Variants in PITPNC1 observed in about 807,000 individuals in gnomAD.
PITPNC1 encodes the protein cytoplasmic phosphatidylinositol transfer protein 1.
Under a neutral mutation model 44.7 loss-of-function variants are expected in PITPNC1, and 18 were observed. The observed-to-expected ratio is 0.40, with a 90% CI of 0.28 to 0.60. PITPNC1 has a LOEUF of 0.60. Among genes scored for constraint, PITPNC1 ranks in the 20% least tolerant of loss-of-function variants. PITPNC1 has a pLI of 0.39. For missense variants in PITPNC1, 290 were observed against 418.4 expected (o/e 0.69, Z 2.68); for synonymous variants, 141 against 149.6 (o/e 0.94, Z 0.42).
chr17:67,455,305 T>G (rs1252945698), intron 1 of PITPNC1, among the ~76,000 whole-genome samples: 2 of 152,230 alleles, frequency 1.3e-5, no homozygotes, highest in African/African-American at 4.8e-5. Context: ...TAATGCTGTT[T>G]TGAATTTTTC....
At chr17:67,419,875 C>T (rs1218943333) in intron 1 of PITPNC1, among the ~76,000 whole-genome samples, 1 of 151,718 alleles carries the variant, frequency 6.6e-6, no homozygotes, top group African/African-American at 2.4e-5. Context: ...CGCTGCACTC[C>T]AGCCTGAGTG....
intron 1 of PITPNC1, among the ~76,000 whole-genome samples, chr17:67,427,607 A>G (rs2038790063): frequency 6.6e-6 from 1 of 152,222 alleles, no homozygotes; most frequent in African/African-American, 2.4e-5. Flanking sequence ...ATCCTTCATT[A>G]CACATGAACA....
At chr17:67,455,090 GGTTAACAGGTGTGAGCCTCT>G (rs1274321439) in intron 1 of PITPNC1, among the ~76,000 whole-genome samples, 1 of 152,004 alleles carries the variant, frequency 6.6e-6, no homozygotes, top group African/African-American at 2.4e-5. Context: ...CAAAGTGCTG[GGTTAACAGGTGTGAGCCTCT>G]GTACCCAGCC....
Position 67,694,657 on chromosome 17 carries a change from G to C in PITPNC1, c.*1769G>C, listed in dbSNP as rs530582715. On this transcript the variant is annotated 3_prime_UTR_variant, in exon 9 of 9. Coordinates refer to ENST00000581322, the MANE Select transcript of PITPNC1 (RefSeq NM_012417.4). Reference sequence around the variant, plus strand: ...TAAACCTAGAACTCAAAGGAAACCTGTTGCAAATAGCTTAGATCAACAGTG... The same window carrying C: ...TAAACCTAGAACTCAAAGGAAACCTCTTGCAAATAGCTTAGATCAACAGTG... 4 of 152,324 alleles carry C rather than the reference G, an allele frequency of 2.6e-5. No individual in the cohort carries two copies. Among genetic ancestry groups the C allele is most frequent in the Middle Eastern group, 3.4e-3 (1 of 294 alleles). 9.4% of individuals were successfully genotyped at this position (152,324 alleles called of 1,614,324 possible).
chr17:67,400,083 C>A (rs2038284316), intron 1 of PITPNC1, among the ~76,000 whole-genome samples: 1 of 152,170 alleles, frequency 6.6e-6, no homozygotes, highest in South Asian at 2.1e-4. Context: ...ACCTGGTGAT[C>A]ATGATGGGCT....
At chr17:67,389,783 A>C (rs1453191851) in intron 1 of PITPNC1, among the ~76,000 whole-genome samples, 8 of 151,980 alleles carry the variant, frequency 5.3e-5, no homozygotes, top group African/African-American at 1.4e-4. Context: ...GGGTTCAAGC[A>C]ATTCTCCTGC....
chr17:67,658,507 T>C (rs1260433499), intron 6 of PITPNC1, among the ~76,000 whole-genome samples: 1 of 152,144 alleles, frequency 6.6e-6, no homozygotes, highest in Non-Finnish European at 1.5e-5. Context: ...CCACCCCCAG[T>C]ATCCTCTCTT....
intron 1 of PITPNC1, among the ~76,000 whole-genome samples, chr17:67,433,598 C>G (rs1474296163): frequency 6.6e-6 from 1 of 152,148 alleles, no homozygotes; most frequent in Non-Finnish European, 1.5e-5. Flanking sequence ...GTAAACCCAG[C>G]TACTCGGGAG....
Position 67,695,444 on chromosome 17 carries a change from G to A in PITPNC1, c.*2556G>A, listed in dbSNP as rs988880496. The A allele has an allele frequency of 6.6e-6, 1 of 151,642 alleles. No homozygotes were observed. The highest frequency in any genetic ancestry group is 2.4e-5 in the African/African-American group (1 of 41,278). The allele number at this position is 151,642 out of a possible 1,614,324, so 9.4% of individuals were successfully genotyped here. On this transcript the variant is annotated 3_prime_UTR_variant, in exon 9 of 9. Coordinates refer to ENST00000581322, the MANE Select transcript of PITPNC1 (RefSeq NM_012417.4). ...TACAGAACATTAATAATTCTTAGAA[G>A]GATGGAAGCCAAATGGCTGCATGAT...
At chr17:67,686,593 T>TCTACATCCTGCCTC (rs1400426113) in intron 8 of PITPNC1, among the ~76,000 whole-genome samples, 1 of 152,146 alleles carries the variant, frequency 6.6e-6, no homozygotes, top group Non-Finnish European at 1.5e-5. Context: ...TGCTCTGCCT[T>TCTACATCCTGCCTC]CTACATCCTG....
intron 5 of PITPNC1, among the ~76,000 whole-genome samples, chr17:67,622,269 AAAAAG>A (rs2041841309): frequency 6.6e-6 from 1 of 151,066 alleles, no homozygotes; most frequent in Non-Finnish European, 1.5e-5. Flanking sequence ...AAAAAAAAAA[AAAAAG>A]AAAAGATAGT....
chr17:67,409,071 CTTTTTTTT>C (rs1159310735), intron 1 of PITPNC1, among the ~76,000 whole-genome samples: 11 of 80,512 alleles, frequency 1.4e-4, no homozygotes, highest in Non-Finnish European at 2.0e-4. Context: ...CAAATTCATT[CTTTTTTTT>C]TTTTTTTTTT....
In PITPNC1 at chr17:67,583,865, T is replaced by TGTG. The variant is rs1568051977; in HGVS notation, c.366+5608_366+5609insGTG. On this transcript the variant is annotated intron_variant, in intron 5 of 8. Transcript: ENST00000581322. The stretch of plus-strand genomic sequence containing the variant: ...CGCCCGCCACCACGCCTGGCTAATT[T>TGTG]TGTGTGTGTGTGTGTGTGTGTGTGT... Among the ~76,000 whole-genome samples the TGTG allele has an allele frequency of 2.0e-3, 240 of 118,414 alleles. 2 individuals carry two copies. Among genetic ancestry groups the TGTG allele is most frequent in the Admixed American group, 3.1e-3 (34 of 10,932 alleles). The allele number at this position is 118,414 out of a possible 152,430, so 77.7% of individuals were successfully genotyped here. A position where few individuals can be genotyped will look rare whatever the true frequency, so the allele number is the denominator to read the frequency against.
At chr17:67,580,649 AT>A (rs2041217652) in intron 5 of PITPNC1, among the ~76,000 whole-genome samples, 1 of 152,068 alleles carries the variant, frequency 6.6e-6, no homozygotes, top group Non-Finnish European at 1.5e-5. Flanking sequence ...CTGGAAAAAA[AT>A]TTTTTAAATA....
At chr17:67,497,618 C>G (rs1419439321) in intron 1 of PITPNC1, among the ~76,000 whole-genome samples, 1 of 147,736 alleles carries the variant, frequency 6.8e-6, no homozygotes, top group African/African-American at 2.5e-5. Flanking sequence ...GTCTCGACCT[C>G]CTAGGCTCAA....
intron 2 of PITPNC1, 60 bp downstream of exon 2, chr17:67,533,010 G>A (rs1898054786): frequency 1.5e-6 from 2 of 1,377,220 alleles, no homozygotes; most frequent in Admixed American, 3.9e-5. Context: ...CCCATGGTGT[G>A]ACAGTGGAGG....
Position 67,506,254 on chromosome 17 carries a change from G to A in PITPNC1, c.49-26548G>A, listed in dbSNP as rs571302980. On this transcript the variant is annotated intron_variant, in intron 1 of 8. Transcript: ENST00000581322. ...GAGACACTGCTGAAGAAAAGGAAAT[G>A]AAGAAAAGGTGAAGTAAGATTTTAC... Among the ~76,000 whole-genome samples, 40 of 152,294 alleles carry A rather than the reference G, an allele frequency of 2.6e-4. 1 individual carries two copies. Among genetic ancestry groups the A allele is most frequent in the African/African-American group, 8.9e-4 (37 of 41,560 alleles).
intron 5 of PITPNC1, among the ~76,000 whole-genome samples, chr17:67,621,180 C>CATTTGATTTT (rs2041824226): frequency 7.7e-6 from 1 of 129,774 alleles, no homozygotes; most frequent in Non-Finnish European, 1.6e-5. Context: ...GTCTGAAGCA[C>CATTTGATTTT]ATTTTATTTT....
At chr17:67,591,778 C>T (rs184198822) in intron 5 of PITPNC1, among the ~76,000 whole-genome samples, 25 of 152,192 alleles carry the variant, frequency 1.6e-4, no homozygotes, top group South Asian at 4.1e-4. Flanking sequence ...GGCACCATCA[C>T]GGCGTACTGC....
Sources: allele counts gnomAD v4.1 joint callset (sites outside exome capture counted in the v4.1 genomes callset), GRCh38; gene constraint gnomAD v4.1.1; transcripts MANE v1.5; gene names NCBI Gene and HGNC (gene_info 2026-07-23, HGNC 2026-07-21).